Variants in CTXND1 observed in about 807,000 individuals in gnomAD.
The protein encoded by CTXND1 is cortexin domain containing 1.
intron 1 of CTXND1, among the ~76,000 whole-genome samples, chr15:80,218,405 C>G (rs55868637): frequency 0.17 from 25,432 of 152,134 alleles, 2,198 homozygotes; most frequent in East Asian, 0.28. Context: ...TCCTAAAGTG[C>G]TGGGATTACA....
chr15:80,219,055 C>T (rs955263167), intron 1 of CTXND1, among the ~76,000 whole-genome samples: 4 of 150,342 alleles, frequency 2.7e-5, no homozygotes, highest in Non-Finnish European at 5.9e-5. Flanking sequence ...ACTCAGTGTC[C>T]GTAGTAGCTG....
intron 1 of CTXND1, among the ~76,000 whole-genome samples, chr15:80,240,362 G>C (rs547915843): frequency 7.9e-5 from 12 of 152,138 alleles, no homozygotes; most frequent in Non-Finnish European, 1.5e-4. Context: ...GAAGACCAAG[G>C]TCTCCCTCTC....
rs1010401435 is a variant in CTXND1 at position 80,201,559 on chromosome 15, G to T, written c.*211C>A. 4 of 382,444 alleles carry T rather than the reference G, an allele frequency of 1.0e-5. No homozygotes were observed. Among genetic ancestry groups the T allele is most frequent in the Admixed American group, 4.5e-5 (1 of 22,140 alleles). 23.7% of individuals were successfully genotyped at this position (382,444 alleles called of 1,614,324 possible). On this transcript the variant is annotated 3_prime_UTR_variant, in exon 3 of 3. Transcript: ENST00000560778. ...GGTCCAGGGCTCTTTTCCCCTGGCTGGTCCATGGTTGCGACACCCACGGCA... is the reference window on the plus strand; with the variant it reads ...GGTCCAGGGCTCTTTTCCCCTGGCTTGTCCATGGTTGCGACACCCACGGCA...
At chr15:80,211,369 A>G (rs1893202891) in intron 1 of CTXND1, among the ~76,000 whole-genome samples, 2 of 152,226 alleles carry the variant, frequency 1.3e-5, no homozygotes, top group Non-Finnish European at 2.9e-5. Flanking sequence ...AAGTGCAGCC[A>G]TTATGAAAGG....
chr15:80,215,769 GC>G (rs1230713548), intron 1 of CTXND1, among the ~76,000 whole-genome samples: 1 of 152,110 alleles, frequency 6.6e-6, no homozygotes, highest in Non-Finnish European at 1.5e-5. Flanking sequence ...GCAGTGGCCC[GC>G]CCCAAGCCTA....
At chr15:80,217,564 AG>A (rs1420571037) in intron 1 of CTXND1, among the ~76,000 whole-genome samples, 5 of 149,200 alleles carry the variant, frequency 3.4e-5, no homozygotes, top group South Asian at 2.1e-4. Flanking sequence ...TTATTTATTT[AG>A]AGACAGTGTC....
chr15:80,246,006 G>A (rs1245492620), intron 1 of CTXND1, among the ~76,000 whole-genome samples: 1 of 152,222 alleles, frequency 6.6e-6, no homozygotes, highest in Admixed American at 6.5e-5. Flanking sequence ...TACTAACATG[G>A]TAATTATGTG....
At chr15:80,238,414 C>T (rs144413272) in intron 1 of CTXND1, among the ~76,000 whole-genome samples, 26 of 151,812 alleles carry the variant, frequency 1.7e-4, no homozygotes, top group Admixed American at 3.3e-4. Flanking sequence ...ATAATTTAAA[C>T]ATGTAGAAAC....
At chr15:80,238,450 T>G (rs1893527825) in intron 1 of CTXND1, among the ~76,000 whole-genome samples, 1 of 152,064 alleles carries the variant, frequency 6.6e-6, no homozygotes, top group African/African-American at 2.4e-5. Context: ...GGCTGTACAA[T>G]AAGAAGCAGC....
intron 1 of CTXND1, among the ~76,000 whole-genome samples, chr15:80,213,648 G>A (rs59907061): frequency 0.05 from 7,651 of 152,200 alleles, 626 homozygotes; most frequent in African/African-American, 0.17. Flanking sequence ...ATCTAAAGAC[G>A]TAAAGAGAAA....
chr15:80,224,392 C>T (rs771595580), intron 1 of CTXND1, among the ~76,000 whole-genome samples: 4 of 152,212 alleles, frequency 2.6e-5, no homozygotes, highest in Non-Finnish European at 5.9e-5. Flanking sequence ...CCAGAACAGT[C>T]TAGTTATGGA....
intron 1 of CTXND1, among the ~76,000 whole-genome samples, chr15:80,210,256 C>A (rs891275137): frequency 2.0e-5 from 3 of 152,176 alleles, no homozygotes; most frequent in Non-Finnish European, 2.9e-5. Flanking sequence ...CAGGCTTGTT[C>A]TAGCCAGTCC....
intron 2 of CTXND1, among the ~76,000 whole-genome samples, chr15:80,202,357 C>A (rs977630086): frequency 6.6e-6 from 1 of 152,140 alleles, no homozygotes; most frequent in Admixed American, 6.5e-5. Flanking sequence ...TCCATGAAAC[C>A]CTTTAGAAAG....
At chr15:80,215,128 A>T (rs55816241) in intron 1 of CTXND1, among the ~76,000 whole-genome samples, 25,468 of 152,192 alleles carry the variant, frequency 0.17, 2,203 homozygotes, top group East Asian at 0.28. Context: ...AAGAGTGTTT[A>T]CTTGGCCCAA....
chr15:80,204,672 T>TATATATACAC (rs898718335), intron 1 of CTXND1, among the ~76,000 whole-genome samples: 13 of 124,836 alleles, frequency 1.0e-4, no homozygotes, highest in African/African-American at 4.7e-4. Context: ...TATATATATA[T>TATATATACAC]ACCACATTTT....
In CTXND1 at chr15:80,200,913, G is replaced by GGT. The variant is rs2041445763; in HGVS notation, c.*856_*857insAC. On this transcript the variant is annotated 3_prime_UTR_variant, in exon 3 of 3. Transcript: ENST00000560778. ...CCATGACCTACCCAACCGATGGGAT[G>GGT]CCCTTCGGTCACTAAAACTGGCAGC... 1 of 152,218 alleles carries GGT rather than the reference G, an allele frequency of 6.6e-6. No homozygotes were observed. The highest frequency in any genetic ancestry group is 3.2e-3 in the Middle Eastern group (1 of 316). The allele number at this position is 152,218 out of a possible 1,614,324, so 9.4% of individuals were successfully genotyped here. A position where few individuals can be genotyped will look rare whatever the true frequency, so the allele number is the denominator to read the frequency against.
chr15:80,219,665 C>A (rs1893291517), intron 1 of CTXND1, among the ~76,000 whole-genome samples: 1 of 152,178 alleles, frequency 6.6e-6, no homozygotes, highest in Admixed American at 6.5e-5. Context: ...GGAGCTCCTG[C>A]CACTTCATAC....
intron 1 of CTXND1, among the ~76,000 whole-genome samples, chr15:80,211,412 A>G (rs1378065012): frequency 6.6e-6 from 1 of 152,156 alleles, no homozygotes; most frequent in African/African-American, 2.4e-5. Flanking sequence ...CAAACTGACA[A>G]ATGGGTTAAA....
At chr15:80,209,001 G>A (rs746828419) in intron 1 of CTXND1, among the ~76,000 whole-genome samples, 5 of 152,192 alleles carry the variant, frequency 3.3e-5, no homozygotes, top group Admixed American at 1.3e-4. Context: ...CCTTGATTCT[G>A]AAATCTCAGG....
Sources: gnomAD v4.1 joint callset for allele counts (sites outside exome capture counted in the v4.1 genomes callset) on GRCh38, gnomAD v4.1.1 for gene constraint, MANE v1.5 for transcripts, NCBI Gene and HGNC (gene_info 2026-07-23, HGNC 2026-07-21) for gene names.